TNFRSF9: variants seen among roughly 807,000 people sequenced by gnomAD.
TNFRSF9 encodes TNF receptor superfamily member 9.
Under a neutral mutation model 28.8 loss-of-function variants are expected in TNFRSF9, and 16 were observed. The observed-to-expected ratio is 0.55, with a 90% confidence interval of 0.38 to 0.84. The LOEUF is 0.84. Ranked by LOEUF, TNFRSF9 falls within the 40% of genes least tolerant of loss-of-function variation. TNFRSF9 has a pLI of 0.00. For missense variants in TNFRSF9, 303 were observed against 315.0 expected (o/e 0.96, Z 0.29); for synonymous variants, 131 against 117.0 (o/e 1.12, Z -0.77).
chr1:7,937,804 T>C, intron 4 of TNFRSF9, 48 bp from the exon 5 acceptor site: 1 of 1,515,688 alleles, frequency 6.6e-7, no homozygotes, highest in Non-Finnish European at 9.1e-7. Flanking sequence ...ATTTTCATCA[T>C]TTTGTAACTT....
chr1:7,928,787 G>A (rs1022119695), intron 7 of TNFRSF9, among the ~76,000 whole-genome samples: 1 of 152,180 alleles, frequency 6.6e-6, no homozygotes. Flanking sequence ...GCTGAGGCAC[G>A]AAAATCGCTG....
At position 7,938,841 on chromosome 1, in the gene TNFRSF9, G is replaced by T; in HGVS notation, c.101-13C>A. The T allele has an allele frequency of 1.3e-6, 2 of 1,581,294 alleles. No homozygotes were observed. The highest frequency in any genetic ancestry group is 1.1e-5 in the South Asian group (1 of 89,820). On this transcript the variant is annotated splice_polypyrimidine_tract_variant and intron_variant, in intron 2 of 7. Transcript: ENST00000377507. ...TCACAGAATGTACCTAAGAAAGGCA[G>T]ACAATAGTGGTACACGTTTGACAAT...
chr1:7,930,936 G>C (rs1639724243), intron 7 of TNFRSF9, among the ~76,000 whole-genome samples: 1 of 152,136 alleles, frequency 6.6e-6, no homozygotes, highest in Admixed American at 6.5e-5. Flanking sequence ...AGTAAGAAAA[G>C]GACAGACAAT....
rs578225469 is a variant in TNFRSF9 at position 7,931,681 on chromosome 1, G to A, written c.679+1481C>T. 1.3e-4 allele frequency among the ~76,000 whole-genome samples: 20 copies of A among 152,282 alleles called. No homozygotes were observed. In the South Asian group the frequency reaches 3.7e-3, roughly 28 times the overall value. ...CTAGAAAGGGCATGCCAAGGGCTTC[G>A]GGAATGAGTTATGTTCCACTTCTTT... On this transcript the variant is annotated intron_variant, in intron 7 of 7. Transcript: ENST00000377507.
intron 2 of TNFRSF9, 89 bp from the exon 3 acceptor site, chr1:7,938,917 A>G: frequency 7.7e-6 from 7 of 904,874 alleles, no homozygotes; most frequent in Non-Finnish European, 1.2e-5. Flanking sequence ...ATAAGATTAT[A>G]AAAGAATGAT....
chr1:7,920,862 T>G lies in TNFRSF9; in HGVS notation c.741A>C (p.Glu247Asp). ...EEDGCSCRFP[E>D]EEEGGCEL The stretch of plus-strand genomic sequence containing the variant: ...ACAGTTCACATCCTCCTTCTTCTTC[T>G]TCTGGAAATCGGCAGCTACAGCCAT... Residue 247 changes from glutamate (E) to aspartate (D), a missense_variant, in exon 8 of 8, where the codon GAA becomes GAC. Transcript: ENST00000377507. The G allele has an allele frequency of 6.2e-7, 1 of 1,614,040 alleles. No individual in the cohort carries two copies. The highest frequency in any genetic ancestry group is 8.5e-7 in the Non-Finnish European group (1 of 1,179,966).
At chr1:7,927,352 C>T (rs1466049366) in intron 7 of TNFRSF9, among the ~76,000 whole-genome samples, 1 of 152,218 alleles carries the variant, frequency 6.6e-6, no homozygotes, top group Non-Finnish European at 1.5e-5. Context: ...CGACAATCAT[C>T]CCCGCTTTCT....
At chr1:7,931,382 C>T (rs1362540329) in intron 7 of TNFRSF9, among the ~76,000 whole-genome samples, 1 of 152,160 alleles carries the variant, frequency 6.6e-6, no homozygotes, top group Admixed American at 6.5e-5. Context: ...TCCCGCTGTC[C>T]ATCAGTACTA....
Position 7,920,000 on chromosome 1 carries a change from C to T in TNFRSF9, c.*835G>A, listed in dbSNP as rs1379353024. ...GATATACAGACACTTGAACTCTTTC[C>T]AAAACTTCCTCCAGGCCTGAGGTTT... On this transcript the variant is annotated 3_prime_UTR_variant, in exon 8 of 8. Coordinates refer to ENST00000377507, the MANE Select transcript of TNFRSF9 (RefSeq NM_001561.6). 2 of 152,272 alleles carry T rather than the reference C, an allele frequency of 1.3e-5. No homozygotes were observed. Among genetic ancestry groups the T allele is most frequent in the Non-Finnish European group, 2.9e-5 (2 of 68,052 alleles). The allele number at this position is 152,272 out of a possible 1,614,324, so 9.4% of individuals were successfully genotyped here.
Position 7,937,694 on chromosome 1 carries a change from T to C in TNFRSF9, c.409A>G (p.Thr137Ala), listed in dbSNP as rs1335340096. Residue 137 changes from threonine (T) to alanine (A), a missense_variant, in exon 5 of 8, where the codon ACA (threonine) becomes GCA (alanine). Coordinates refer to ENST00000377507, the MANE Select transcript of TNFRSF9 (RefSeq NM_001561.6). ...ACTAAAGGAAATTATACGTACTTTG[T>C]CCAGGGTCGACAGATGCCACGTTTC... Reference protein sequence around the residue: ...DQKRGICRPWTNCSLDGKSVL... With the variant: ...DQKRGICRPWANCSLDGKSVL... The C allele has an allele frequency of 6.2e-7, 1 of 1,613,084 alleles. No individual in the cohort carries two copies. The highest frequency in any genetic ancestry group is 8.5e-7 in the Non-Finnish European group (1 of 1,179,104).
chr1:7,937,855 A>G (rs1363395616), intron 4 of TNFRSF9, 99 bp from the exon 5 acceptor site: 1 of 1,013,836 alleles, frequency 9.9e-7, no homozygotes, highest in Non-Finnish European at 1.5e-6. Context: ...CCATAATGCA[A>G]TCTGCACAAA....
At position 7,940,095 on chromosome 1, in the gene TNFRSF9, T is replaced by C. The variant is rs1639880744; in HGVS notation, c.-84-17A>G. The stretch of plus-strand genomic sequence containing the variant: ...AATGTCACTCTGCAAAAGATAAACA[T>C]TTCCAAGGAAAGGTGGTTTCTCCTT... On this transcript the variant is annotated splice_polypyrimidine_tract_variant and intron_variant, in intron 1 of 7. Coordinates refer to ENST00000377507, the MANE Select transcript of TNFRSF9 (RefSeq NM_001561.6). 7.6e-6 allele frequency: 6 copies of C among 790,608 alleles called. No homozygotes were observed. The Admixed American group carries it at 1.4e-4, about 18-fold the overall frequency. The allele number at this position is 790,608 out of a possible 1,614,324, so 49.0% of individuals were successfully genotyped here.
chr1:7,937,670 C>A lies in TNFRSF9; in HGVS notation c.413+20G>T. 6.2e-7 allele frequency: 1 copy of A among 1,604,760 alleles called. No individual in the cohort carries two copies. Among genetic ancestry groups the A allele is most frequent in the Non-Finnish European group, 8.5e-7 (1 of 1,172,938 alleles). Reference sequence around the variant, plus strand: ...TAACCCAGATTCTTTATTCCATAAACTAAAGGAAATTATACGTACTTTGTC... The same window carrying A: ...TAACCCAGATTCTTTATTCCATAAAATAAAGGAAATTATACGTACTTTGTC... On this transcript the variant is annotated intron_variant, in intron 5 of 7. Transcript: ENST00000377507.
At chr1:7,931,882 G>A (rs1457614128) in intron 7 of TNFRSF9, among the ~76,000 whole-genome samples, 1 of 152,190 alleles carries the variant, frequency 6.6e-6, no homozygotes, top group Non-Finnish European at 1.5e-5. Context: ...AGTGGCTCAC[G>A]CCTGTAATCC....
chr1:7,938,375 C>T lies in TNFRSF9; in HGVS notation c.209-45G>A. On this transcript the variant is annotated intron_variant, in intron 3 of 7. Transcript: ENST00000377507. ...CCCAACATTTTATTACACTTGACCT[C>T]CAAATCCAGGAAGCGAATTTATGCT... 2.0e-6 allele frequency: 3 copies of T among 1,511,990 alleles called. No homozygotes were observed. The African/African-American group carries it at 4.2e-5, about 21-fold the overall frequency. The allele number at this position is 1,511,990 out of a possible 1,614,324, so 93.7% of individuals were successfully genotyped here.
chr1:7,936,567 A>G (rs1198439931), intron 5 of TNFRSF9: 2 of 152,318 alleles, frequency 1.3e-5, no homozygotes, highest in Non-Finnish European at 2.9e-5. Flanking sequence ...TCTGATGCTG[A>G]TAAATTATAA....
intron 7 of TNFRSF9, among the ~76,000 whole-genome samples, chr1:7,923,275 C>T (rs1639589576): frequency 6.6e-6 from 1 of 152,180 alleles, no homozygotes; most frequent in Non-Finnish European, 1.5e-5. Context: ...CCTGCAAGCC[C>T]ACCAGGAAGG....
chr1:7,934,009 T>C (rs1639777448), intron 6 of TNFRSF9, among the ~76,000 whole-genome samples: 1 of 151,758 alleles, frequency 6.6e-6, no homozygotes, highest in African/African-American at 2.4e-5. Flanking sequence ...AGAGAGAGAC[T>C]CTGTCCACCC....
At chr1:7,933,836 G>T (rs1260660944) in intron 6 of TNFRSF9, among the ~76,000 whole-genome samples, 1 of 152,118 alleles carries the variant, frequency 6.6e-6, no homozygotes, top group Non-Finnish European at 1.5e-5. Flanking sequence ...GGCCAACATG[G>T]AGAAACTCCA....
Sources: gnomAD v4.1 joint callset for allele counts (sites outside exome capture counted in the v4.1 genomes callset) on GRCh38, gnomAD v4.1.1 for gene constraint, MANE v1.5 for transcripts, NCBI Gene and HGNC (gene_info 2026-07-23, HGNC 2026-07-21) for gene names.